Variants in ST6GALNAC1 observed in about 807,000 individuals in gnomAD.
ST6GALNAC1 encodes alpha-N-acetylgalactosaminide alpha-2,6-sialyltransferase 1.
Under a neutral mutation model 56.8 loss-of-function variants are expected in ST6GALNAC1, and 45 were observed. That is an observed-to-expected ratio of 0.79 (90% CI 0.62 to 1.02). The LOEUF (loss-of-function observed/expected upper bound fraction) is 1.02, where lower values mean the gene tolerates loss of function less well. ST6GALNAC1 is among the 50% of genes least tolerant of loss of function. ST6GALNAC1 has a pLI of 0.00. For synonymous variants in ST6GALNAC1, 295 were observed against 297.8 expected (o/e 0.99, Z 0.10); for missense variants, 743 against 754.8 (o/e 0.98, Z 0.18).
chr17:76,640,980 T>G (rs2076041195), intron 1 of ST6GALNAC1, among the ~76,000 whole-genome samples: 1 of 152,352 alleles, frequency 6.6e-6, no homozygotes, highest in Non-Finnish European at 1.5e-5. Context: ...AAAAATTAAT[T>G]GCCTGTTTTT....
intron 1 of ST6GALNAC1, among the ~76,000 whole-genome samples, chr17:76,636,768 T>C (rs1393656889): frequency 6.6e-6 from 1 of 151,664 alleles, no homozygotes; most frequent in Non-Finnish European, 1.5e-5. Context: ...ATCTGGGAGG[T>C]GTACCCAACA....
At chr17:76,637,458 G>A (rs1765690608) in intron 1 of ST6GALNAC1, 2 of 344,754 alleles carry the variant, frequency 5.8e-6, no homozygotes. Context: ...TCAACCCCTA[G>A]AAACACCACT....
chr17:76,624,563 T>C (rs1226661288), downstream of ST6GALNAC1, among the ~76,000 whole-genome samples: 1 of 152,142 alleles, frequency 6.6e-6, no homozygotes, highest in Non-Finnish European at 1.5e-5. Flanking sequence ...TGTTTAGAGT[T>C]GTTAGGGTTG....
chr17:76,627,347 C>A lies in ST6GALNAC1; in HGVS notation c.1000+68G>T. ...CCCAGGGAAGAGGCAGACCAGAAAG[C>A]CAGCTGCCCTCTGCCCTCTGCCCCG... On this transcript the variant is annotated intron_variant, in intron 3 of 8. Transcript: ENST00000156626. The surrounding 1 kb of genome is among the most constrained non-coding windows in gnomAD (Gnocchi z 4.4). 1 of 1,586,458 alleles carries A rather than the reference C, an allele frequency of 6.3e-7. No homozygotes were observed. Among genetic ancestry groups the A allele is most frequent in the South Asian group, 1.1e-5 (1 of 87,180 alleles).
In ST6GALNAC1 at chr17:76,643,597, G is replaced by A. The variant is rs1286062746; in HGVS notation, c.42C>T (p.Gly14=). Residue 14 remains glycine (G), a synonymous_variant, in exon 1 of 9, where the codon GGC becomes GGT. Coordinates refer to ENST00000156626, the MANE Select transcript of ST6GALNAC1 (RefSeq NM_018414.5). ...CLWRCRHLSQ[G]VQWSLLLAVL... ...CAGCCAGAAGCAAGGACCACTGGAC[G>A]CCTTGGCTCAGGTGCCTGCATCTCC... is the stretch of plus-strand genomic sequence containing the variant. 42 of 1,614,008 alleles carry A rather than the reference G, an allele frequency of 2.6e-5. No homozygotes were observed. Among genetic ancestry groups the A allele is most frequent in the Non-Finnish European group, 3.4e-5 (40 of 1,179,978 alleles).
At position 76,626,720 on chromosome 17, in the gene ST6GALNAC1, G is replaced by A. The variant is rs761042317; in HGVS notation, c.1242C>T (p.Thr414=). Residue 414 remains threonine (T), a synonymous_variant, in exon 5 of 9, where the codon ACC becomes ACT. Transcript: ENST00000156626. ...VGTRTSFYGF[T]AFSLTQSLLI... ...GGAGTGACTGGGTCAGGGAGAAGGC[G>A]GTAAAGCCGTAGAAGGATGTCCGAG... 4.2e-5 allele frequency: 68 copies of A among 1,614,078 alleles called. No individual in the cohort carries two copies. The highest frequency in any genetic ancestry group is 2.5e-4 in the South Asian group (23 of 91,090).
chr17:76,619,740 G>GTTTTTTTTTTTTTTT, the ST6GALNAC1 span, among the ~76,000 whole-genome samples: 4 of 101,572 alleles, frequency 3.9e-5, no homozygotes, highest in African/African-American at 1.6e-4. Context: ...AATAATGTTA[G>GTTTTTTTTTTTTTTT]TTTTTTTTTT....
At chr17:76,642,599 T>C (rs1358814314) in intron 1 of ST6GALNAC1, among the ~76,000 whole-genome samples, 2 of 152,098 alleles carry the variant, frequency 1.3e-5, no homozygotes, top group Admixed American at 1.3e-4. Context: ...TTTAACTCTA[T>C]GAGAACCTGC....
intron 1 of ST6GALNAC1, among the ~76,000 whole-genome samples, chr17:76,639,066 CG>C (rs1392841765): frequency 1.3e-5 from 2 of 152,154 alleles, no homozygotes; most frequent in Non-Finnish European, 2.9e-5. Context: ...CACGTTCCCC[CG>C]ATCATCCATC....
chr17:76,618,495 T>G, the ST6GALNAC1 span, among the ~76,000 whole-genome samples: 1 of 152,190 alleles, frequency 6.6e-6, no homozygotes, highest in Non-Finnish European at 1.5e-5. Flanking sequence ...ATAAATTTTT[T>G]GGCTGGGCAC....
Position 76,627,632 on chromosome 17 carries a change from T to C in ST6GALNAC1, c.832-49A>G. On this transcript the variant is annotated intron_variant, in intron 2 of 8. Coordinates refer to ENST00000156626, the MANE Select transcript of ST6GALNAC1 (RefSeq NM_018414.5). This position sits in a 1 kb window ranked among gnomAD's most constrained non-coding sequence, Gnocchi z 4.4. ...GGAAGGGAGAGACCCAGAAAGGCCA[T>C]CGGCCAGGGGCTGCACCACTGCAGC... 6.3e-7 allele frequency: 1 copy of C among 1,580,390 alleles called. No homozygotes were observed. The highest frequency in any genetic ancestry group is 8.6e-7 in the Non-Finnish European group (1 of 1,157,162).
rs904740191 is a variant in ST6GALNAC1 at position 76,643,594 on chromosome 17, G to A, written c.45C>T (p.Val15=). The change falls in exon 1 of 9, where the codon GTC becomes GTT. Residue 15 remains valine, a synonymous_variant. Transcript: ENST00000156626. ...GGACAGCCAGAAGCAAGGACCACTG[G>A]ACGCCTTGGCTCAGGTGCCTGCATC... is the stretch of plus-strand genomic sequence containing the variant. ...LWRCRHLSQG[V]QWSLLLAVLV... is the part of the protein sequence containing the mutation. 1.1e-5 allele frequency: 17 copies of A among 1,614,040 alleles called. No homozygotes were observed. The highest frequency in any genetic ancestry group is 1.6e-4 in the Middle Eastern group (1 of 6,082).
downstream of ST6GALNAC1, among the ~76,000 whole-genome samples, chr17:76,623,849 C>T (rs1053250947): frequency 6.6e-6 from 1 of 152,162 alleles, no homozygotes; most frequent in Non-Finnish European, 1.5e-5. Flanking sequence ...GTTTAGGTAG[C>T]CTGAGTTTAA....
chr17:76,640,194 G>A (rs984846744), intron 1 of ST6GALNAC1, among the ~76,000 whole-genome samples: 2 of 152,110 alleles, frequency 1.3e-5, no homozygotes, highest in African/African-American at 4.8e-5. Context: ...CTGGGCAGTT[G>A]AGGGTTCTGG....
rs751076767 is a variant in ST6GALNAC1, at chr17:76,627,398, C to G, written c.1000+17G>C. 1.2e-6 allele frequency: 2 copies of G among 1,613,734 alleles called. No homozygotes were observed. The highest frequency in any genetic ancestry group is 1.7e-6 in the Non-Finnish European group (2 of 1,179,832). On this transcript the variant is annotated intron_variant, in intron 3 of 8. Transcript: ENST00000156626. The surrounding 1 kb of genome is among the most constrained non-coding windows in gnomAD (Gnocchi z 4.4). ...GCCTACTGCGCACCCACACCTTCCCCTGGGTTAAGGACTCACAGGAGTAGT... is the reference window on the plus strand; with the variant it reads ...GCCTACTGCGCACCCACACCTTCCCGTGGGTTAAGGACTCACAGGAGTAGT...
rs766181018 is a variant in ST6GALNAC1 at position 76,625,998 on chromosome 17, G to A, written c.1505+8C>T. On this transcript the variant is annotated splice_region_variant and intron_variant, in intron 7 of 8. Transcript: ENST00000156626. ...CTGGGCTACGTGTCACGTGCTTTCT[G>A]CTCTAACCTGTTCTTCATGTATCGG... 3 of 1,614,022 alleles carry A rather than the reference G, an allele frequency of 1.9e-6. No individual in the cohort carries two copies. Among genetic ancestry groups the A allele is most frequent in the South Asian group, 2.2e-5 (2 of 91,074 alleles).
rs910121627 is a variant in ST6GALNAC1 at position 76,627,925 on chromosome 17, G to T, written c.832-342C>A. Among the ~76,000 whole-genome samples, 2 of 151,880 alleles carry T rather than the reference G, an allele frequency of 1.3e-5. No homozygotes were observed. Among genetic ancestry groups the T allele is most frequent in the African/African-American group, 4.8e-5 (2 of 41,350 alleles). On this transcript the variant is annotated intron_variant, in intron 2 of 8. Coordinates refer to ENST00000156626, the MANE Select transcript of ST6GALNAC1 (RefSeq NM_018414.5). The surrounding 1 kb of genome is among the most constrained non-coding windows in gnomAD (Gnocchi z 4.4). Reference sequence around the variant, plus strand: ...ATCCTGGCTAACACGGTGAAACCCCGTCTCTACTAAAAATACAAAAAATTA... The same window carrying T: ...ATCCTGGCTAACACGGTGAAACCCCTTCTCTACTAAAAATACAAAAAATTA...
chr17:76,624,533 C>T (rs575832473), downstream of ST6GALNAC1, among the ~76,000 whole-genome samples: 7 of 152,256 alleles, frequency 4.6e-5, no homozygotes, highest in East Asian at 1.9e-4. Context: ...TACAGGCCAC[C>T]GTGCCTGGCC....
the ST6GALNAC1 span, among the ~76,000 whole-genome samples, chr17:76,619,740 G>GGT: frequency 3.7e-3 from 377 of 101,602 alleles, 5 homozygotes; most frequent in African/African-American, 0.014. Context: ...AATAATGTTA[G>GGT]TTTTTTTTTT....
Sources: gnomAD v4.1 joint callset for allele counts (sites outside exome capture counted in the v4.1 genomes callset) on GRCh38, gnomAD v4.1.1 for gene constraint, Gnocchi (gnomAD v3.1) non-coding constraint, MANE v1.5 for transcripts, NCBI Gene and HGNC (gene_info 2026-07-23, HGNC 2026-07-21) for gene names.